The following MACROD2 variants were observed in gnomAD, a reference collection of about 807,000 sequenced individuals.
MACROD2 encodes ADP-ribose glycohydrolase MACROD2.
A neutral mutation model predicts 70.4 loss-of-function variants in MACROD2; 36 were observed. That is an observed-to-expected ratio of 0.51 (90% CI 0.39 to 0.68). The LOEUF is 0.68. Ranked by LOEUF, MACROD2 falls within the 30% of genes least tolerant of loss-of-function variation. MACROD2 has a pLI of 0.00. For missense variants in MACROD2, 496 were observed against 538.4 expected (o/e 0.92, Z 0.78); for synonymous variants, 172 against 178.8 (o/e 0.96, Z 0.30).
intron 3 of MACROD2, among the ~76,000 whole-genome samples, chr20:14,164,945 C>A (rs536798280): frequency 6.6e-6 from 1 of 152,214 alleles, no homozygotes; most frequent in African/African-American, 2.4e-5. Context: ...TGAATTTGTC[C>A]TTGGGGTGTG....
In MACROD2 at chr20:15,885,764, A is replaced by C. The variant is rs1250474014; in HGVS notation, c.728A>C (p.Asp243Ala). The change falls in exon 10 of 18, where the codon GAC becomes GCC. Residue 243 changes from aspartate to alanine, a missense_variant and splice_region_variant. Coordinates refer to ENST00000684519, the MANE Select transcript of MACROD2 (RefSeq NM_001351661.2). Reference sequence around the variant, plus strand: ...TTTATGTTTTCCTATTTTTTAACAGACGATAATAATGAAGAAGAAGAGGAT... The same window carrying C: ...TTTATGTTTTCCTATTTTTTAACAGCCGATAATAATGAAGAAGAAGAGGAT... ...KKKMNEFFSVDDNNEEEEDVE... is the reference protein window; with the variant it reads ...KKKMNEFFSVADNNEEEEDVE... 6.7e-6 allele frequency: 10 copies of C among 1,486,330 alleles called. No homozygotes were observed. The highest frequency in any genetic ancestry group is 8.1e-6 in the Non-Finnish European group (9 of 1,117,686). The allele number at this position is 1,486,330 out of a possible 1,614,324, so 92.1% of individuals were successfully genotyped here.
At chr20:14,831,358 G>T (rs1226200006) in intron 5 of MACROD2, among the ~76,000 whole-genome samples, 2 of 151,974 alleles carry the variant, frequency 1.3e-5, no homozygotes, top group African/African-American at 4.8e-5. Context: ...CATAATCACA[G>T]ACTTATAGGA....
intron 4 of MACROD2, among the ~76,000 whole-genome samples, chr20:14,599,177 A>T (rs911372538): frequency 1.3e-5 from 2 of 152,182 alleles, no homozygotes; most frequent in South Asian, 2.1e-4. Flanking sequence ...AAATATTTTT[A>T]AAAAACTGTA....
At chr20:15,861,727 T>G (rs769429533) in intron 8 of MACROD2, among the ~76,000 whole-genome samples, 3 of 152,022 alleles carry the variant, frequency 2.0e-5, no homozygotes, top group Non-Finnish European at 1.5e-5. Flanking sequence ...CCTTTTCTAC[T>G]GGGAACTGTC....
intron 15 of MACROD2, among the ~76,000 whole-genome samples, chr20:16,012,573 CT>C (rs1295752347): frequency 1.3e-5 from 2 of 152,194 alleles, no homozygotes; most frequent in African/African-American, 2.4e-5. Context: ...TTCTCAATGA[CT>C]ACAATGGTAA....
intron 3 of MACROD2, among the ~76,000 whole-genome samples, chr20:14,318,388 C>T (rs975677877): frequency 6.6e-6 from 1 of 152,098 alleles, no homozygotes; most frequent in South Asian, 2.1e-4. Context: ...TGAAGGCAAC[C>T]TTGAAGTTTA....
intron 6 of MACROD2, among the ~76,000 whole-genome samples, chr20:15,325,706 T>C (rs1253818979): frequency 2.0e-5 from 3 of 152,180 alleles, no homozygotes; most frequent in African/African-American, 7.2e-5. Flanking sequence ...ATTCGTGGCA[T>C]GTCTTCCATT....
intron 4 of MACROD2, among the ~76,000 whole-genome samples, chr20:14,574,703 A>AATATATCACATTTTATAAATATT (rs1980455346): frequency 6.6e-6 from 1 of 151,132 alleles, no homozygotes; most frequent in Non-Finnish European, 1.5e-5. Context: ...TACAAAATAT[A>AATATATCACATTTTATAAATATT]ATATATCACA....
At chr20:14,349,362 G>GT (rs2083097500) in intron 3 of MACROD2, among the ~76,000 whole-genome samples, 1 of 150,026 alleles carries the variant, frequency 6.7e-6, no homozygotes. Flanking sequence ...GGAAAACAGG[G>GT]TACCCATCCC....
chr20:14,130,919 G>A (rs907745498), intron 3 of MACROD2, among the ~76,000 whole-genome samples: 8 of 136,920 alleles, frequency 5.8e-5, no homozygotes, highest in Non-Finnish European at 1.2e-4. Flanking sequence ...TAAAATAATT[G>A]TGTTTTTTTT....
intron 5 of MACROD2, among the ~76,000 whole-genome samples, chr20:15,060,986 A>C (rs1202605735): frequency 6.6e-6 from 1 of 152,218 alleles, no homozygotes; most frequent in Non-Finnish European, 1.5e-5. Context: ...GGTAAAATTG[A>C]GTAGCAGGCA....
At chr20:15,230,132 A>C in intron 6 of MACROD2, 71 bp downstream of exon 6, 12 of 1,450,030 alleles carry the variant, frequency 8.3e-6, no homozygotes, top group Non-Finnish European at 1.0e-5. Flanking sequence ...GTCTTGTCTA[A>C]AGAGAGGTAG....
chr20:14,927,299 G>A (rs2074245149), intron 5 of MACROD2, among the ~76,000 whole-genome samples: 1 of 152,162 alleles, frequency 6.6e-6, no homozygotes, highest in African/African-American at 2.4e-5. Flanking sequence ...TTGGTTGCAT[G>A]CTACAGAATC....
intron 5 of MACROD2, among the ~76,000 whole-genome samples, chr20:15,204,375 C>T (rs758618981): frequency 2.0e-5 from 3 of 151,996 alleles, no homozygotes; most frequent in African/African-American, 7.2e-5. Context: ...TATTGCCTGT[C>T]GACGCTTGTG....
At chr20:14,525,384 T>C (rs1414902221) in intron 4 of MACROD2, among the ~76,000 whole-genome samples, 1 of 152,260 alleles carries the variant, frequency 6.6e-6, no homozygotes, top group East Asian at 1.9e-4. Context: ...CTAATGTTTA[T>C]TAAGCAGCCT....
chr20:15,053,033 C>T lies in MACROD2; in HGVS notation c.419-176907C>T, dbSNP rs77846257. On this transcript the variant is annotated intron_variant, in intron 5 of 17. Coordinates refer to ENST00000684519, the MANE Select transcript of MACROD2 (RefSeq NM_001351661.2). Reference sequence around the variant, plus strand: ...CCTAATCCAGAGCAACGCCCTAACTCTCTTCAGTTCTGTGAAGTTTGAGAA... The same window carrying T: ...CCTAATCCAGAGCAACGCCCTAACTTTCTTCAGTTCTGTGAAGTTTGAGAA... Among the ~76,000 whole-genome samples, 1,187 of 152,316 alleles carry T rather than the reference C, an allele frequency of 7.8e-3. 15 individuals carry two copies. The highest frequency in any genetic ancestry group is 0.027 in the African/African-American group (1,105 of 41,564).
intron 6 of MACROD2, among the ~76,000 whole-genome samples, chr20:15,284,860 A>C (rs1440959452): frequency 6.6e-6 from 1 of 152,208 alleles, no homozygotes; most frequent in Non-Finnish European, 1.5e-5. Flanking sequence ...TATGGTTTTT[A>C]TATACAAACA....
In MACROD2 at chr20:15,234,012, C is replaced by CT. The variant is rs1177498607; in HGVS notation, c.540+3988dup. Among the ~76,000 whole-genome samples the CT allele has an allele frequency of 2.7e-4, 8 of 29,184 alleles. 1 individual carries two copies. The highest frequency in any genetic ancestry group is 4.0e-4 in the Non-Finnish European group (7 of 17,364). 19.1% of individuals were successfully genotyped at this position (29,184 alleles called of 152,430 possible). On this transcript the variant is annotated intron_variant, in intron 6 of 17. Coordinates refer to ENST00000684519, the MANE Select transcript of MACROD2 (RefSeq NM_001351661.2). ...ATATATATATATATATATATATATT[C>CT]TTTTTTTTTTTTTTTTTTTTTTTTT...
chr20:14,984,114 C>A (rs2074827208), intron 5 of MACROD2, among the ~76,000 whole-genome samples: 1 of 152,188 alleles, frequency 6.6e-6, no homozygotes, highest in African/African-American at 2.4e-5. Flanking sequence ...TAGCCCACTC[C>A]TCTGATAAGC....
Sources: allele counts gnomAD v4.1 joint callset (sites outside exome capture counted in the v4.1 genomes callset), GRCh38; gene constraint gnomAD v4.1.1; transcripts MANE v1.5; gene names NCBI Gene and HGNC (gene_info 2026-07-23, HGNC 2026-07-21).